The following OPCML variants were observed in gnomAD, a reference collection of about 807,000 sequenced individuals.
OPCML encodes opioid binding protein/cell adhesion molecule like, also known as opioid-binding protein/cell adhesion molecule.
OPCML carries 13 observed loss-of-function variants against 37.8 expected under a neutral mutation model. The observed-to-expected ratio is 0.34, with a 90% confidence interval of 0.22 to 0.55. The LOEUF (loss-of-function observed/expected upper bound fraction) is 0.55, where lower values mean the gene tolerates loss of function less well. Among genes scored for constraint, OPCML ranks in the 20% least tolerant of loss-of-function variants. OPCML has a pLI of 0.91. For synonymous variants in OPCML, 176 were observed against 168.8 expected, an observed-to-expected ratio of 1.04 and a Z score of -0.33; for missense variants, 341 against 435.6, an observed-to-expected ratio of 0.78 and a Z score of 1.93.
chr11:133,298,538 C>A (rs1942691135), intron 1 of OPCML: 1 of 152,318 alleles, frequency 6.6e-6, no homozygotes, highest in African/African-American at 2.4e-5. Context: ...GCCATCCCTA[C>A]AATGGCTCCT....
intron 4 of OPCML, among the ~76,000 whole-genome samples, chr11:132,520,399 A>G (rs1295887489): frequency 2.0e-5 from 3 of 152,082 alleles, no homozygotes; most frequent in Admixed American, 2.0e-4. Context: ...TAGACAAATT[A>G]TTCTTTCTCT....
intron 1 of OPCML, among the ~76,000 whole-genome samples, chr11:133,511,646 C>A (rs963777248): frequency 5.9e-5 from 9 of 152,104 alleles, no homozygotes; most frequent in Admixed American, 2.6e-4. Flanking sequence ...CCAGACTGGC[C>A]TGTTTGTAAT....
At chr11:132,815,275 T>G (rs80042405) in intron 2 of OPCML, among the ~76,000 whole-genome samples, 2,488 of 152,258 alleles carry the variant, frequency 0.016, 27 homozygotes, top group Middle Eastern at 0.027. Context: ...AGAATAGAAG[T>G]CTCCTCCGCA....
chr11:132,716,954 A>C (rs1240845700), intron 2 of OPCML, among the ~76,000 whole-genome samples: 1 of 152,208 alleles, frequency 6.6e-6, no homozygotes, highest in African/African-American at 2.4e-5. Flanking sequence ...TTACAAAAAG[A>C]AGGATTTATA....
At chr11:132,685,978 G>T (rs1281574108) in intron 2 of OPCML, among the ~76,000 whole-genome samples, 1 of 152,128 alleles carries the variant, frequency 6.6e-6, no homozygotes, top group Non-Finnish European at 1.5e-5. Flanking sequence ...TGTTCTGGTG[G>T]CATTTATTTT....
intron 1 of OPCML, among the ~76,000 whole-genome samples, chr11:133,377,612 GAAAA>G (rs71477791): frequency 1.3e-5 from 1 of 79,086 alleles, no homozygotes. Context: ...CCAGTATTCA[GAAAA>G]AAAAAAAAAA....
intron 1 of OPCML, chr11:133,365,532 C>T (rs556594810): frequency 1.3e-5 from 2 of 152,320 alleles, no homozygotes; most frequent in Admixed American, 1.3e-4. Flanking sequence ...GGTCCCACCT[C>T]CAAATACCAT....
intron 2 of OPCML, among the ~76,000 whole-genome samples, chr11:132,763,308 C>T (rs1487222958): frequency 6.6e-6 from 1 of 151,622 alleles, no homozygotes; most frequent in Non-Finnish European, 1.5e-5. Flanking sequence ...TTGATTAAGT[C>T]ATTTAATCTA....
intron 1 of OPCML, among the ~76,000 whole-genome samples, chr11:132,998,362 G>T (rs182860321): frequency 2.0e-5 from 3 of 152,098 alleles, no homozygotes; most frequent in Non-Finnish European, 2.9e-5. Context: ...TTCTCACTTG[G>T]GGGGAGCCTG....
intron 2 of OPCML, among the ~76,000 whole-genome samples, chr11:132,719,265 G>T (rs1211984976): frequency 6.6e-6 from 1 of 152,254 alleles, no homozygotes; most frequent in Non-Finnish European, 1.5e-5. Flanking sequence ...TCTGTGAGTG[G>T]CGAAGGCACA....
chr11:132,888,356 T>G (rs1161322649), intron 2 of OPCML, among the ~76,000 whole-genome samples: 2 of 151,996 alleles, frequency 1.3e-5, no homozygotes, highest in Non-Finnish European at 2.9e-5. Flanking sequence ...CCTCTAGAGA[T>G]CAGAGGCTGT....
chr11:133,109,040 T>C (rs1440357861), intron 1 of OPCML, among the ~76,000 whole-genome samples: 1 of 152,166 alleles, frequency 6.6e-6, no homozygotes, highest in Non-Finnish European at 1.5e-5. Context: ...CTTAATGTCT[T>C]TACTGGGTTT....
intron 1 of OPCML, among the ~76,000 whole-genome samples, chr11:133,451,454 G>A (rs1170511221): frequency 6.6e-6 from 1 of 151,672 alleles, no homozygotes. Flanking sequence ...TGGAAACAGA[G>A]GACAGAGTTT....
At chr11:132,700,556 A>G (rs1455381231) in intron 2 of OPCML, among the ~76,000 whole-genome samples, 1 of 152,164 alleles carries the variant, frequency 6.6e-6, no homozygotes, top group African/African-American at 2.4e-5. Context: ...TGGTTCAGTA[A>G]TGTGTTGTAA....
At chr11:132,732,801 A>ATTC (rs61448066) in intron 2 of OPCML, among the ~76,000 whole-genome samples, 10,210 of 152,222 alleles carry the variant, frequency 0.067, 1,066 homozygotes, top group African/African-American at 0.22. Flanking sequence ...ACACAGGTTG[A>ATTC]AATATGTCCA....
intron 4 of OPCML, among the ~76,000 whole-genome samples, chr11:132,514,138 C>T (rs917768889): frequency 6.6e-6 from 1 of 152,082 alleles, no homozygotes; most frequent in African/African-American, 2.4e-5. Flanking sequence ...TGCCTTTTGA[C>T]AGAAGACCTT....
chr11:133,462,937 T>C (rs1466543797), intron 1 of OPCML, among the ~76,000 whole-genome samples: 1 of 152,030 alleles, frequency 6.6e-6, no homozygotes, highest in African/African-American at 2.4e-5. Context: ...AACTCAGGTG[T>C]CCGCTGATGA....
At chr11:132,679,883 T>C (rs775382561) in intron 2 of OPCML, among the ~76,000 whole-genome samples, 1 of 152,236 alleles carries the variant, frequency 6.6e-6, no homozygotes, top group Non-Finnish European at 1.5e-5. Context: ...GTGAGTGTGA[T>C]TTGATGGTTA....
chr11:132,870,425 C>A (rs542298655), intron 2 of OPCML, among the ~76,000 whole-genome samples: 1 of 151,902 alleles, frequency 6.6e-6, no homozygotes, highest in Admixed American at 6.6e-5. Context: ...TCAATTAGTA[C>A]GGCCATTATG....
Sources: gnomAD v4.1 joint callset for allele counts (sites outside exome capture counted in the v4.1 genomes callset) on GRCh38, gnomAD v4.1.1 for gene constraint, MANE v1.5 for transcripts, NCBI Gene and HGNC (gene_info 2026-07-23, HGNC 2026-07-21) for gene names.